Variants in ABCA13 observed in about 807,000 individuals in gnomAD.
ABCA13 encodes ATP binding cassette subfamily A member 13.
A neutral mutation model predicts 478.7 loss-of-function variants in ABCA13; 476 were observed. The ratio of observed to expected loss-of-function variants is 0.99; its 90% CI spans 0.92 to 1.07. ABCA13 has a LOEUF of 1.07. Among genes scored for constraint, ABCA13 ranks in the 50% least tolerant of loss-of-function variants. The probability of loss-of-function intolerance (pLI) is 0.00; values close to 1 mark genes in which losing one functional copy is unlikely to be tolerated. For missense variants in ABCA13, 6,060 were observed against 5,910.6 expected, an observed-to-expected ratio of 1.03 and a Z score of -0.83; for synonymous variants, 2,252 against 2,158.9, an observed-to-expected ratio of 1.04 and a Z score of -1.20.
At chr7:48,349,327 A>G (rs1466288575) in intron 29 of ABCA13, among the ~76,000 whole-genome samples, 1 of 152,166 alleles carries the variant, frequency 6.6e-6, no homozygotes, top group Admixed American at 6.5e-5. Context: ...AAACTGTGCA[A>G]TGTAGGTTGA....
At chr7:48,608,780 A>G (rs1312444031) in intron 58 of ABCA13, among the ~76,000 whole-genome samples, 1 of 152,176 alleles carries the variant, frequency 6.6e-6, no homozygotes, top group African/African-American at 2.4e-5. Context: ...TAAGTTTAGC[A>G]ATTTGTCAGC....
chr7:48,314,515 C>CT, intron 26 of ABCA13, 106 bp downstream of exon 26: 1 of 1,070,612 alleles, frequency 9.3e-7, no homozygotes, highest in Non-Finnish European at 1.3e-6. Flanking sequence ...TTGCTATATA[C>CT]TGGCATAGAA....
chr7:48,523,932 A>G (rs1401652734), intron 53 of ABCA13, among the ~76,000 whole-genome samples: 1 of 152,228 alleles, frequency 6.6e-6, no homozygotes, highest in African/African-American at 2.4e-5. Flanking sequence ...TAATTTTGTG[A>G]TAAGCTATTT....
intron 43 of ABCA13, among the ~76,000 whole-genome samples, chr7:48,462,447 C>T (rs1015029316): frequency 6.6e-6 from 1 of 151,718 alleles, no homozygotes; most frequent in Admixed American, 6.6e-5. Flanking sequence ...AAGGATTCCC[C>T]CCCCCCTACT....
At position 48,410,652 on chromosome 7, in the gene ABCA13, G is replaced by A. The variant is rs1328352441; in HGVS notation, c.12203G>A (p.Gly4068Glu). The A allele has an allele frequency of 1.2e-6, 2 of 1,613,724 alleles. No homozygotes were observed. The highest frequency in any genetic ancestry group is 3.3e-5 in the Admixed American group (2 of 59,988). ...PFCLKEAYGQ[G>E]LRLTLTRQPS... ...TGCCTGAAGGAGGCATATGGCCAGG[G>A]GCTCCGCCTGACACTCACGAGGCAG... Residue 4068 changes from glycine (G) to glutamate (E), a missense_variant, in exon 40 of 62, where the codon GGG (glycine) becomes GAG (glutamate). Gly to Glu is a moderately conservative substitution (Grantham distance 98). Coordinates refer to ENST00000435803, the MANE Select transcript of ABCA13 (RefSeq NM_152701.5).
chr7:48,303,784 T>C lies in ABCA13; in HGVS notation c.9321+5297T>C, dbSNP rs540944669. Among the ~76,000 whole-genome samples, 18 of 152,326 alleles carry C rather than the reference T, an allele frequency of 1.2e-4. No homozygotes were observed. The South Asian group carries it at 3.5e-3, about 30-fold the overall frequency. On this transcript the variant is annotated intron_variant, in intron 23 of 61. Coordinates refer to ENST00000435803, the MANE Select transcript of ABCA13 (RefSeq NM_152701.5). ...TTGATATCAAATTCTGATACTTTAA[T>C]TTGCAAAGTATCATTTTTTTCTCTC...
At chr7:48,428,314 G>A (rs1487015844) in intron 42 of ABCA13, among the ~76,000 whole-genome samples, 1 of 152,098 alleles carries the variant, frequency 6.6e-6, no homozygotes, top group Non-Finnish European at 1.5e-5. Flanking sequence ...TGTCCCTTTG[G>A]GACCAAATCA....
At chr7:48,250,382 G>A (rs1792362488) in intron 15 of ABCA13, among the ~76,000 whole-genome samples, 1 of 152,122 alleles carries the variant, frequency 6.6e-6, no homozygotes, top group African/African-American at 2.4e-5. Context: ...AGGTTAGAAG[G>A]CAGGTAAGGG....
In ABCA13 at chr7:48,246,031, G is replaced by C. The variant is rs771043470; in HGVS notation, c.1659+1G>C. 9 of 1,611,926 alleles carry C rather than the reference G, an allele frequency of 5.6e-6. 1 individual carries two copies. Among genetic ancestry groups the C allele is most frequent in the Admixed American group, 5.0e-5 (3 of 59,862 alleles). ...GCTACTTGGTTCAGTAGAGGATGCT[G>C]TAAGTATTCTACCATCTTAGCTCTT... On this transcript the variant is annotated splice_donor_variant, in intron 13 of 61. Coordinates refer to ENST00000435803, the MANE Select transcript of ABCA13 (RefSeq NM_152701.5). LOFTEE classifies it high-confidence loss of function.
chr7:48,209,343 A>G (rs1785328088), intron 3 of ABCA13, among the ~76,000 whole-genome samples: 1 of 151,912 alleles, frequency 6.6e-6, no homozygotes. Context: ...TTTTGTGTAT[A>G]TGTCTGGTTT....
Position 48,338,456 on chromosome 7 carries a change from G to GT in ABCA13, c.10204+2dup, listed in dbSNP as rs1487865369. The GT allele has an allele frequency of 3.6e-5, 57 of 1,584,512 alleles. No individual in the cohort carries two copies. The highest frequency in any genetic ancestry group is 8.8e-5 in the Admixed American group (5 of 56,718). On this transcript the variant is annotated splice_donor_variant, in intron 29 of 61. Transcript: ENST00000435803. LOFTEE classifies it high-confidence loss of function. ...CTTACTGAAAAACTCCAGACATACG[G>GT]TAAGTGTGCTGATGGGCATGGTAGT...
intron 41 of ABCA13, among the ~76,000 whole-genome samples, chr7:48,425,186 C>T (rs1229572315): frequency 6.6e-6 from 1 of 152,156 alleles, no homozygotes; most frequent in Non-Finnish European, 1.5e-5. Flanking sequence ...TGCATTCAAA[C>T]ATGTGCATAT....
chr7:48,484,014 A>G (rs1299015655), intron 47 of ABCA13, among the ~76,000 whole-genome samples: 1 of 152,184 alleles, frequency 6.6e-6, no homozygotes, highest in East Asian at 1.9e-4. Context: ...TTGTGGAGCT[A>G]TGAGAACAAG....
intron 48 of ABCA13, among the ~76,000 whole-genome samples, chr7:48,495,310 C>A (rs1830179368): frequency 6.6e-6 from 1 of 152,154 alleles, no homozygotes; most frequent in East Asian, 1.9e-4. Context: ...GGGATTATTT[C>A]AAAACATGTT....
chr7:48,412,662 A>AG (rs1325765345), intron 41 of ABCA13, 79 bp downstream of exon 41: 11 of 956,740 alleles, frequency 1.1e-5, no homozygotes, highest in South Asian at 4.1e-5. Context: ...ATGTGGGTAA[A>AG]GGGGGGGAGA....
At chr7:48,338,927 G>A (rs1806682694) in intron 29 of ABCA13, among the ~76,000 whole-genome samples, 1 of 152,288 alleles carries the variant, frequency 6.6e-6, no homozygotes, top group African/African-American at 2.4e-5. Context: ...CTGGACACAC[G>A]AGGAGAGCCA....
chr7:48,555,266 T>G (rs1284591461), intron 55 of ABCA13, among the ~76,000 whole-genome samples: 1 of 151,954 alleles, frequency 6.6e-6, no homozygotes, highest in Admixed American at 6.6e-5. Context: ...TGCATCAACA[T>G]TCATCAGAGA....
intron 8 of ABCA13, among the ~76,000 whole-genome samples, chr7:48,236,614 A>G (rs1189295707): frequency 6.6e-6 from 1 of 152,198 alleles, no homozygotes; most frequent in Non-Finnish European, 1.5e-5. Context: ...CTCATATCCC[A>G]TCACTTGGGC....
In ABCA13 at chr7:48,508,040, A is replaced by G. The variant is rs754984699; in HGVS notation, c.13515A>G (p.Leu4505=). ...GYRMYWFTNF[L]YDMLFYLVSV... is the part of the protein sequence containing the mutation. ...GGATGTACTGGTTCACAAACTTCCT[A>G]TATGACATGGTAGGATTTGGGAATG... Residue 4505 remains leucine, a synonymous_variant, in exon 50 of 62, where the codon CTA becomes CTG. Transcript: ENST00000435803. The G allele has an allele frequency of 1.2e-6, 2 of 1,613,846 alleles. No homozygotes were observed. Among genetic ancestry groups the G allele is most frequent in the South Asian group, 1.1e-5 (1 of 91,078 alleles).
Sources: gnomAD v4.1 joint callset for allele counts (sites outside exome capture counted in the v4.1 genomes callset) on GRCh38, gnomAD v4.1.1 for gene constraint, MANE v1.5 for transcripts, NCBI Gene and HGNC (gene_info 2026-07-23, HGNC 2026-07-21) for gene names.